ZNF682: variants seen among roughly 807,000 people sequenced by gnomAD.
ZNF682 encodes zinc finger protein 682.
Under a neutral mutation model 36.5 loss-of-function variants are expected in ZNF682, and 29 were observed. The observed-to-expected ratio is 0.80, with a 90% CI of 0.59 to 1.08. The LOEUF is 1.08. Among genes scored for constraint, ZNF682 ranks in the 50% least tolerant of loss-of-function variants. The probability of loss-of-function intolerance (pLI) is 0.00; values close to 1 mark genes in which losing one functional copy is unlikely to be tolerated. For synonymous variants in ZNF682, 180 were observed against 197.0 expected (o/e 0.91, Z 0.72); for missense variants, 561 against 579.7 (o/e 0.97, Z 0.33).
In ZNF682 at chr19:20,039,375, T is replaced by C. The variant is rs1439812310; in HGVS notation, c.-30A>G. ...CGGCTTCCGGGATGTCGTGGAGTCT[T>C]AGCTCTGGATCTCACAGCATCTGCA... On this transcript the variant is annotated 5_prime_UTR_variant, in exon 1 of 4. Coordinates refer to ENST00000397165, the MANE Select transcript of ZNF682 (RefSeq NM_033196.3). The C allele has an allele frequency of 2.5e-6, 4 of 1,610,578 alleles. No homozygotes were observed. The highest frequency in any genetic ancestry group is 3.4e-6 in the Non-Finnish European group (4 of 1,179,798).
chr19:19,996,181 A>T (rs1011510328), downstream of ZNF682, among the ~76,000 whole-genome samples: 1 of 152,082 alleles, frequency 6.6e-6, no homozygotes. Context: ...AACCCATCCC[A>T]CTCCAATATT....
intron 1 of ZNF682, among the ~76,000 whole-genome samples, chr19:20,026,272 C>T (rs1037804579): frequency 1.2e-4 from 18 of 150,788 alleles, no homozygotes; most frequent in Admixed American, 1.1e-3. Flanking sequence ...CACTGCACTC[C>T]AGCCTGGGCG....
At position 20,013,752 on chromosome 19, in the gene ZNF682, G is replaced by A. The variant is rs142883594; in HGVS notation, c.227-6477C>T. 5.1e-3 allele frequency among the ~76,000 whole-genome samples: 771 copies of A among 152,122 alleles called. 6 individuals are homozygous for A. The highest frequency in any genetic ancestry group is 0.018 in the African/African-American group (731 of 41,504). ...TGTGCCACCACATCCAGCTAATTTT[G>A]TATTGTTAGTAGAGATGGGGTCTCT... On this transcript the variant is annotated intron_variant, in intron 3 of 3. Coordinates refer to ENST00000397165, the MANE Select transcript of ZNF682 (RefSeq NM_033196.3).
chr19:20,023,639 T>C (rs1276692665), intron 2 of ZNF682, among the ~76,000 whole-genome samples: 1 of 152,088 alleles, frequency 6.6e-6, no homozygotes, highest in African/African-American at 2.4e-5. Context: ...GATTTTAAGG[T>C]CTGGTCAATA....
At chr19:20,025,986 C>A (rs2088427997) in intron 1 of ZNF682, among the ~76,000 whole-genome samples, 1 of 152,260 alleles carries the variant, frequency 6.6e-6, no homozygotes, top group African/African-American at 2.4e-5. Context: ...TTAGTGACAT[C>A]CTCTTTAAAT....
intron 3 of ZNF682, among the ~76,000 whole-genome samples, chr19:19,997,694 A>G (rs2122277616): frequency 6.6e-6 from 1 of 152,346 alleles, no homozygotes; most frequent in Non-Finnish European, 1.5e-5. Context: ...GTGGAGGCAA[A>G]GAGAGGACAA....
chr19:20,007,562 C>G (rs1224099843), intron 3 of ZNF682: 1 of 330,522 alleles, frequency 3.0e-6, no homozygotes, highest in Non-Finnish European at 5.5e-6. Flanking sequence ...CTCGTAGATC[C>G]AGACCAGTCT....
chr19:20,020,072 T>C (rs1018227559), intron 3 of ZNF682, among the ~76,000 whole-genome samples: 1 of 150,462 alleles, frequency 6.6e-6, no homozygotes, highest in Admixed American at 6.6e-5. Flanking sequence ...AAGAAAGAAA[T>C]TTTAAGCATA....
At chr19:20,000,083 A>G (rs973682609), downstream of ZNF682, among the ~76,000 whole-genome samples, 4 of 152,224 alleles carry the variant, frequency 2.6e-5, no homozygotes, top group Non-Finnish European at 4.4e-5. Flanking sequence ...TCATAATTAC[A>G]TACAAATGGA....
chr19:20,018,001 A>T (rs1320768527), intron 3 of ZNF682, among the ~76,000 whole-genome samples: 2 of 151,644 alleles, frequency 1.3e-5, no homozygotes, highest in South Asian at 2.1e-4. Flanking sequence ...GTACAAATTC[A>T]ATGTAATATC....
At chr19:20,008,028 C>T (rs2088244435) in intron 3 of ZNF682, 2 of 152,418 alleles carry the variant, frequency 1.3e-5, no homozygotes, top group African/African-American at 2.4e-5. Context: ...ATGGCATCCA[C>T]TTATATCACA....
intron 3 of ZNF682, among the ~76,000 whole-genome samples, chr19:20,021,520 C>T (rs560647191): frequency 5.9e-5 from 9 of 152,198 alleles, no homozygotes; most frequent in African/African-American, 2.2e-4. Context: ...CAACAAAAAA[C>T]TCTGTGAGGT....
intron 1 of ZNF682, among the ~76,000 whole-genome samples, chr19:20,027,672 T>A (rs540055863): frequency 1.3e-5 from 2 of 151,910 alleles, no homozygotes; most frequent in East Asian, 3.9e-4. Flanking sequence ...GGCAGGAGAA[T>A]CACTTGAACC....
At chr19:20,032,525 T>C (rs1488046412) in intron 1 of ZNF682, among the ~76,000 whole-genome samples, 1 of 152,128 alleles carries the variant, frequency 6.6e-6, no homozygotes, top group African/African-American at 2.4e-5. Context: ...GGTTGTGACT[T>C]GAAGCCCAAG....
At chr19:20,003,501 G>A (rs1362736809), downstream of ZNF682, among the ~76,000 whole-genome samples, 1 of 151,768 alleles carries the variant, frequency 6.6e-6, no homozygotes, top group Non-Finnish European at 1.5e-5. Flanking sequence ...TCAGGAGATC[G>A]AGACCATCCA....
At chr19:20,002,268 G>A (rs1247534941), downstream of ZNF682, among the ~76,000 whole-genome samples, 1 of 80,622 alleles carries the variant, frequency 1.2e-5, no homozygotes, top group African/African-American at 4.8e-5. Context: ...TTTTTTTTTT[G>A]TATTTTAGTA....
At chr19:20,004,232 C>T (rs1028077959), downstream of ZNF682, among the ~76,000 whole-genome samples, 1 of 152,014 alleles carries the variant, frequency 6.6e-6, no homozygotes, top group South Asian at 2.1e-4. Context: ...AAAAATGTAA[C>T]CTATGGAAAC....
rs750745130 is a variant in ZNF682, at chr19:20,024,360, C to A, written c.20G>T (p.Arg7Met). 1.2e-6 allele frequency: 2 copies of A among 1,611,488 alleles called. No individual in the cohort carries two copies. Among genetic ancestry groups the A allele is most frequent in the African/African-American group, 2.7e-5 (2 of 74,782 alleles). The change falls in exon 2 of 4, where the codon AGG (arginine) becomes ATG (methionine). Residue 7 changes from arginine to methionine, a missense_variant. Transcript: ENST00000397165. ...CAGAGAGAATTCTATGGTCACATCC[C>A]TGAATGTCAACAGTTCCTGAAAAAC... MELLTF[R>M]DVTIEFSLEE...
intron 3 of ZNF682, among the ~76,000 whole-genome samples, chr19:20,014,296 A>G (rs1395413252): frequency 6.6e-6 from 1 of 152,232 alleles, no homozygotes; most frequent in Non-Finnish European, 1.5e-5. Flanking sequence ...CCAATGAAAA[A>G]GAATGTAGCA....
Sources: allele counts gnomAD v4.1 joint callset (sites outside exome capture counted in the v4.1 genomes callset), GRCh38; gene constraint gnomAD v4.1.1; transcripts MANE v1.5; gene names NCBI Gene and HGNC (gene_info 2026-07-23, HGNC 2026-07-21).